SAMD5: variants seen among roughly 807,000 people sequenced by gnomAD.
SAMD5 encodes sterile alpha motif domain containing 5.
SAMD5 carries 13 observed loss-of-function variants against 11.3 expected under a neutral mutation model. That is an observed-to-expected ratio of 1.15 (90% CI 0.75 to 1.83). SAMD5 has a LOEUF of 1.83. SAMD5 is among the 40% of genes most tolerant of loss of function. SAMD5 has a pLI of 0.00. For synonymous variants in SAMD5, 129 were observed against 111.3 expected (o/e 1.16, Z -1.00); for missense variants, 255 against 239.1 (o/e 1.07, Z -0.44).
chr6:147,542,215 A>G (rs1255503710), intron 1 of SAMD5, among the ~76,000 whole-genome samples: 1 of 152,202 alleles, frequency 6.6e-6, no homozygotes, highest in Non-Finnish European at 1.5e-5. Context: ...CAGAGTCCCC[A>G]GTCCCCAGTC....
the SAMD5 span, among the ~76,000 whole-genome samples, chr6:147,772,044 A>C: frequency 2.0e-5 from 3 of 152,172 alleles, no homozygotes; most frequent in African/African-American, 7.2e-5. Context: ...AGACTCAAAA[A>C]TCCATCTTAT....
At chr6:147,744,499 A>C in the SAMD5 span, among the ~76,000 whole-genome samples, 3 of 152,336 alleles carry the variant, frequency 2.0e-5, no homozygotes, top group Admixed American at 6.5e-5. Context: ...TATAGCTCAC[A>C]GGATTCTGTG....
chr6:147,803,699 G>T, the SAMD5 span, among the ~76,000 whole-genome samples: 390 of 152,310 alleles, frequency 2.6e-3, 9 homozygotes, highest in East Asian at 0.065. Context: ...CTGTTAAGCA[G>T]CTTGCCCAAA....
chr6:147,865,553 A>G, the SAMD5 span, among the ~76,000 whole-genome samples: 3 of 152,168 alleles, frequency 2.0e-5, no homozygotes, highest in Admixed American at 6.5e-5. Flanking sequence ...AAGTATTGAC[A>G]TGTAATACAT....
the SAMD5 span, among the ~76,000 whole-genome samples, chr6:147,804,501 A>T: frequency 6.6e-6 from 1 of 152,214 alleles, no homozygotes; most frequent in Non-Finnish European, 1.5e-5. Context: ...CTTAACGTAC[A>T]GAGAAGAAGG....
At chr6:147,703,726 G>A (rs895936512) in intron 1 of SAMD5, among the ~76,000 whole-genome samples, 1 of 152,182 alleles carries the variant, frequency 6.6e-6, no homozygotes, top group Non-Finnish European at 1.5e-5. Flanking sequence ...TATTGTGGAA[G>A]AGTAAGTACA....
chr6:147,728,637 T>C (rs776809101), intron 1 of SAMD5, among the ~76,000 whole-genome samples: 2 of 152,040 alleles, frequency 1.3e-5, no homozygotes, highest in Non-Finnish European at 2.9e-5. Context: ...GGTTCTTCAA[T>C]AGACAAACGA....
intron 1 of SAMD5, among the ~76,000 whole-genome samples, chr6:147,595,976 C>T (rs1320854273): frequency 2.0e-5 from 3 of 152,086 alleles, no homozygotes; most frequent in South Asian, 2.1e-4. Context: ...GTGGGATAGA[C>T]TTTTAGCAGC....
the SAMD5 span, among the ~76,000 whole-genome samples, chr6:147,920,064 C>A: frequency 6.6e-6 from 1 of 152,266 alleles, no homozygotes; most frequent in East Asian, 1.9e-4. Flanking sequence ...TGATGGTTAC[C>A]ATTGAGCATC....
chr6:147,939,801 T>C, the SAMD5 span, among the ~76,000 whole-genome samples: 9 of 149,878 alleles, frequency 6.0e-5, no homozygotes, highest in South Asian at 2.3e-4. Context: ...TTCTATGAGA[T>C]ACCCCAGCAT....
the SAMD5 span, among the ~76,000 whole-genome samples, chr6:147,891,726 AG>A: frequency 6.6e-6 from 1 of 152,182 alleles, no homozygotes; most frequent in East Asian, 1.9e-4. Context: ...CCCAGATCTA[AG>A]ATGAAAGCTC....
chr6:147,813,310 G>C, the SAMD5 span, among the ~76,000 whole-genome samples: 1 of 152,104 alleles, frequency 6.6e-6, no homozygotes. Context: ...CCTTTGTTCT[G>C]CTCAAACTCA....
At chr6:147,579,034 T>C (rs901014065) in intron 1 of SAMD5, among the ~76,000 whole-genome samples, 2 of 152,100 alleles carry the variant, frequency 1.3e-5, no homozygotes, top group Non-Finnish European at 2.9e-5. Flanking sequence ...ATATTAAGAC[T>C]GTATGATGAA....
At chr6:147,777,214 T>C in the SAMD5 span, among the ~76,000 whole-genome samples, 2 of 152,182 alleles carry the variant, frequency 1.3e-5, no homozygotes, top group East Asian at 3.8e-4. Flanking sequence ...CAATTAGTTA[T>C]AACTCGCATC....
chr6:147,877,940 T>TTTTTTTTTTTCTTTTTG, the SAMD5 span, among the ~76,000 whole-genome samples: 140 of 99,240 alleles, frequency 1.4e-3, 2 homozygotes, highest in African/African-American at 4.6e-3. Flanking sequence ...GATAGATAGA[T>TTTTTTTTTTTCTTTTTG]AGATAGACTC....
At chr6:147,951,193 T>TTTCTTTC in the SAMD5 span, among the ~76,000 whole-genome samples, 5 of 98,940 alleles carry the variant, frequency 5.1e-5, no homozygotes, top group Non-Finnish European at 1.2e-4. Context: ...TTCTTTCTTT[T>TTTCTTTC]TTTTTTTATG....
intron 1 of SAMD5, among the ~76,000 whole-genome samples, chr6:147,660,018 C>T (rs148073439): frequency 8.7e-4 from 133 of 152,176 alleles, no homozygotes; most frequent in Middle Eastern, 3.4e-3. Flanking sequence ...ATTAGGAGCA[C>T]CCTGACCGAA....
intron 1 of SAMD5, among the ~76,000 whole-genome samples, chr6:147,642,542 C>T (rs1321405339): frequency 6.6e-6 from 1 of 152,198 alleles, no homozygotes; most frequent in African/African-American, 2.4e-5. Context: ...GTGACCTTTA[C>T]ATTCAAACTG....
chr6:147,637,589 C>A (rs1452368162), intron 1 of SAMD5, among the ~76,000 whole-genome samples: 1 of 152,188 alleles, frequency 6.6e-6, no homozygotes, highest in Non-Finnish European at 1.5e-5. Context: ...GGCAGACCTG[C>A]AGTCTAAGTG....
Sources: allele counts gnomAD v4.1 joint callset (sites outside exome capture counted in the v4.1 genomes callset), GRCh38; gene constraint gnomAD v4.1.1; transcripts MANE v1.5; gene names NCBI Gene and HGNC (gene_info 2026-07-23, HGNC 2026-07-21).